Variants in KCNMB2 observed in about 807,000 individuals in gnomAD.
The protein encoded by KCNMB2 is potassium calcium-activated channel subfamily M regulatory beta subunit 2.
Under a neutral mutation model 24.5 loss-of-function variants are expected in KCNMB2, and 9 were observed. That is an observed-to-expected ratio of 0.37 (90% CI 0.22 to 0.64). KCNMB2 has a LOEUF of 0.64. KCNMB2 is among the 30% of genes least tolerant of loss of function. KCNMB2 has a pLI of 0.63. For synonymous variants in KCNMB2, 109 were observed against 104.4 expected, an observed-to-expected ratio of 1.04 and a Z score of -0.27; for missense variants, 226 against 284.3, an observed-to-expected ratio of 0.79 and a Z score of 1.47.
chr3:178,567,504 T>G (rs1323193632), intron 1 of KCNMB2, among the ~76,000 whole-genome samples: 3 of 152,116 alleles, frequency 2.0e-5, no homozygotes, highest in Non-Finnish European at 4.4e-5. Flanking sequence ...CTAACAAACT[T>G]ATTTAGCCTT....
chr3:178,750,452 T>C (rs1278639235), intron 1 of KCNMB2, among the ~76,000 whole-genome samples: 2 of 152,164 alleles, frequency 1.3e-5, no homozygotes, highest in Non-Finnish European at 2.9e-5. Flanking sequence ...ACAGTCTTCA[T>C]TGATAAGGGC....
At chr3:178,598,062 A>C (rs898555120) in intron 1 of KCNMB2, among the ~76,000 whole-genome samples, 1 of 152,204 alleles carries the variant, frequency 6.6e-6, no homozygotes, top group Middle Eastern at 3.4e-3. Context: ...CAAAAAAAAA[A>C]ACAAGAAATA....
chr3:178,588,373 AGCAGGGAGATG>A (rs1326348557), intron 1 of KCNMB2, among the ~76,000 whole-genome samples: 5 of 152,162 alleles, frequency 3.3e-5, no homozygotes, highest in Non-Finnish European at 7.3e-5. Flanking sequence ...GGGAACTTTA[AGCAGGGAGATG>A]GTAGAAAGTA....
chr3:178,724,247 C>G (rs1317732997), intron 1 of KCNMB2, among the ~76,000 whole-genome samples: 1 of 151,488 alleles, frequency 6.6e-6, no homozygotes, highest in African/African-American at 2.4e-5. Context: ...TTGCATTTCT[C>G]TGACGATTAG....
chr3:178,546,885 T>C (rs999983866), intron 1 of KCNMB2, among the ~76,000 whole-genome samples: 4 of 152,192 alleles, frequency 2.6e-5, no homozygotes, highest in African/African-American at 9.7e-5. Flanking sequence ...GAAAGTCTAC[T>C]GTAGTAATCC....
chr3:178,717,529 G>T (rs1722657609), intron 1 of KCNMB2, among the ~76,000 whole-genome samples: 1 of 152,066 alleles, frequency 6.6e-6, no homozygotes, highest in South Asian at 2.1e-4. Context: ...CCCTGAGTTT[G>T]CTTCAACTCT....
intron 1 of KCNMB2, among the ~76,000 whole-genome samples, chr3:178,570,270 AC>A (rs1005152713): frequency 1.1e-4 from 16 of 152,252 alleles, no homozygotes; most frequent in African/African-American, 3.8e-4. Flanking sequence ...ACAAATCATA[AC>A]CCTCTCAAGG....
Position 178,683,551 on chromosome 3 carries a change from C to T in KCNMB2, c.-67-123792C>T, listed in dbSNP as rs113659600. 1.2e-3 allele frequency among the ~76,000 whole-genome samples: 185 copies of T among 152,222 alleles called. 4 individuals are homozygous for T. Among genetic ancestry groups the T allele is most frequent in the African/African-American group, 4.3e-3 (180 of 41,538 alleles). ...TAGAAATTACTAATTAGATATTTTA[C>T]ATTCTTTTTATGCTAAGTCTTCACA... is the stretch of plus-strand genomic sequence containing the variant. On this transcript the variant is annotated intron_variant, in intron 1 of 4. Coordinates refer to ENST00000452583, the MANE Select transcript of KCNMB2 (RefSeq NM_181361.3).
chr3:178,714,522 G>T (rs1417456793), intron 1 of KCNMB2, among the ~76,000 whole-genome samples: 1 of 152,218 alleles, frequency 6.6e-6, no homozygotes, highest in Non-Finnish European at 1.5e-5. Flanking sequence ...AGGGTTCTTG[G>T]AAGGGAGAAG....
At chr3:178,653,639 TTAAC>T (rs1375458628) in intron 1 of KCNMB2, among the ~76,000 whole-genome samples, 8 of 152,134 alleles carry the variant, frequency 5.3e-5, no homozygotes, top group African/African-American at 1.9e-4. Context: ...TTGATATTCT[TTAAC>T]TAAAGTAACA....
intron 1 of KCNMB2, among the ~76,000 whole-genome samples, chr3:178,639,374 G>T (rs947673569): frequency 2.0e-5 from 3 of 152,068 alleles, no homozygotes; most frequent in African/African-American, 7.2e-5. Flanking sequence ...TTTGACACTG[G>T]AATCTACCTA....
At chr3:178,835,274 C>T (rs995692445) in intron 4 of KCNMB2, among the ~76,000 whole-genome samples, 2 of 151,988 alleles carry the variant, frequency 1.3e-5, no homozygotes, top group Middle Eastern at 3.2e-3. Flanking sequence ...TTCCTTTTCA[C>T]TACTAAATAC....
At chr3:178,628,046 A>G (rs16829837) in intron 1 of KCNMB2, among the ~76,000 whole-genome samples, 6,459 of 152,254 alleles carry the variant, frequency 0.042, 454 homozygotes, top group African/African-American at 0.15. Flanking sequence ...ACTTCACTCT[A>G]AATTAATTGT....
At chr3:178,713,031 A>G (rs1446742772) in intron 1 of KCNMB2, among the ~76,000 whole-genome samples, 2 of 152,312 alleles carry the variant, frequency 1.3e-5, no homozygotes, top group African/African-American at 2.4e-5. Flanking sequence ...TGCTACATAT[A>G]CATACACATT....
chr3:178,771,968 A>C (rs1712387140), intron 1 of KCNMB2, among the ~76,000 whole-genome samples: 1 of 152,000 alleles, frequency 6.6e-6, no homozygotes, highest in Non-Finnish European at 1.5e-5. Context: ...CCTCATTGCT[A>C]AATTTCTTAC....
Position 178,727,998 on chromosome 3 carries a change from A to G in KCNMB2, c.-67-79345A>G, listed in dbSNP as rs979743324. Reference sequence around the variant, plus strand: ...CAGTATTGATTTCATATTCTTATTTATCTGTTCCTTGCAATAGACTGTGAG... The same window carrying G: ...CAGTATTGATTTCATATTCTTATTTGTCTGTTCCTTGCAATAGACTGTGAG... On this transcript the variant is annotated intron_variant, in intron 1 of 4. Coordinates refer to ENST00000452583, the MANE Select transcript of KCNMB2 (RefSeq NM_181361.3). Among the ~76,000 whole-genome samples the G allele has an allele frequency of 2.0e-5, 3 of 152,196 alleles. No homozygotes were observed. The East Asian group carries it at 5.8e-4, about 29-fold the overall frequency.
chr3:178,698,161 A>G (rs2108336700), intron 1 of KCNMB2, among the ~76,000 whole-genome samples: 1 of 152,256 alleles, frequency 6.6e-6, no homozygotes, highest in East Asian at 1.9e-4. Flanking sequence ...AGTTTGGGGA[A>G]GTTCTCATGG....
At chr3:178,691,105 G>GTCTTTT (rs1721655473) in intron 1 of KCNMB2, among the ~76,000 whole-genome samples, 1 of 32,960 alleles carries the variant, frequency 3.0e-5, no homozygotes. Context: ...TCCCCATTAA[G>GTCTTTT]TCTTTTTTTT....
intron 1 of KCNMB2, among the ~76,000 whole-genome samples, chr3:178,649,415 T>C (rs1720028187): frequency 6.6e-6 from 1 of 152,164 alleles, no homozygotes; most frequent in Admixed American, 6.5e-5. Context: ...TTTTTTTCCA[T>C]ATACTGCAAC....
Sources: allele counts gnomAD v4.1 joint callset (sites outside exome capture counted in the v4.1 genomes callset), GRCh38; gene constraint gnomAD v4.1.1; transcripts MANE v1.5; gene names NCBI Gene and HGNC (gene_info 2026-07-23, HGNC 2026-07-21).